DOCK5: variants seen among roughly 807,000 people sequenced by gnomAD.
DOCK5 encodes the protein dedicator of cytokinesis 5, also known as dedicator of cytokinesis protein 5.
DOCK5 carries 142 observed loss-of-function variants against 251.8 expected under a neutral mutation model. The observed-to-expected ratio is 0.56, with a 90% CI of 0.49 to 0.65. The LOEUF (loss-of-function observed/expected upper bound fraction) is 0.65, where lower values mean the gene tolerates loss of function less well. Ranked by LOEUF, DOCK5 falls within the 30% of genes least tolerant of loss-of-function variation. DOCK5 has a pLI of 0.00. For missense variants in DOCK5, 2,111 were observed against 2,312.3 expected, an observed-to-expected ratio of 0.91 and a Z score of 1.79; for synonymous variants, 842 against 835.5, an observed-to-expected ratio of 1.01 and a Z score of -0.13.
chr8:25,395,072 C>G (rs1478567168), intron 44 of DOCK5, among the ~76,000 whole-genome samples: 3 of 152,172 alleles, frequency 2.0e-5, no homozygotes, highest in African/African-American at 7.2e-5. Flanking sequence ...TCAGTAGGAG[C>G]CCTAGCTTGT....
chr8:25,248,182 A>G (rs1803166565), intron 2 of DOCK5, among the ~76,000 whole-genome samples: 3 of 152,156 alleles, frequency 2.0e-5, no homozygotes, highest in Non-Finnish European at 1.5e-5. Flanking sequence ...TTAATTTTTA[A>G]AATCGTGCCT....
intron 21 of DOCK5, among the ~76,000 whole-genome samples, chr8:25,335,417 G>A (rs17053413): frequency 0.051 from 7,692 of 151,936 alleles, 307 homozygotes; most frequent in African/African-American, 0.11. Flanking sequence ...TAATTCGGCC[G>A]AGTGCTTGAA....
chr8:25,350,179 G>T (rs555484123), intron 26 of DOCK5, among the ~76,000 whole-genome samples: 1 of 152,272 alleles, frequency 6.6e-6, no homozygotes, highest in Admixed American at 6.5e-5. Flanking sequence ...TCTTCATGTT[G>T]TACACGCTGG....
intron 2 of DOCK5, among the ~76,000 whole-genome samples, chr8:25,248,541 C>G (rs375623716): frequency 6.6e-6 from 1 of 152,092 alleles, no homozygotes; most frequent in Non-Finnish European, 1.5e-5. Context: ...ACCCTGCCCT[C>G]GAGATGTCTG....
chr8:25,192,595 T>C (rs904661914), intron 1 of DOCK5, among the ~76,000 whole-genome samples: 4 of 152,182 alleles, frequency 2.6e-5, no homozygotes, highest in African/African-American at 9.7e-5. Flanking sequence ...TGCCTGGACT[T>C]CCTGAGCTCA....
rs1210122554 is a variant in DOCK5 at position 25,336,259 on chromosome 8, ACTT to A, written c.2216_2218del (p.Phe739del). 6.2e-7 allele frequency: 1 copy of A among 1,613,578 alleles called. No individual in the cohort carries two copies. The highest frequency in any genetic ancestry group is 2.2e-5 in the East Asian group (1 of 44,852). ...CTAAGGAAACTCTCCAAGGTACTGAACTTCTATGTGGCTAATGCAGATGACTCC... is the reference window on the plus strand; with the variant it reads ...CTAAGGAAACTCTCCAAGGTACTGAACTATGTGGCTAATGCAGATGACTCC... On this transcript the variant is annotated inframe_deletion, in exon 22 of 52. Coordinates refer to ENST00000276440, the MANE Select transcript of DOCK5 (RefSeq NM_024940.8).
intron 1 of DOCK5, among the ~76,000 whole-genome samples, chr8:25,223,541 C>T (rs557541798): frequency 6.6e-6 from 1 of 152,324 alleles, no homozygotes; most frequent in Non-Finnish European, 1.5e-5. Context: ...TCTCCAACTC[C>T]TGTCCTCAAG....
At chr8:25,336,410 G>C (rs1805807507) in intron 22 of DOCK5, 37 bp downstream of exon 22, 1 of 1,603,782 alleles carries the variant, frequency 6.2e-7, no homozygotes, top group Non-Finnish European at 8.5e-7. Context: ...TAGATTATCA[G>C]CTGTCACTCT....
intron 1 of DOCK5, among the ~76,000 whole-genome samples, chr8:25,185,808 T>C (rs1353098772): frequency 6.6e-6 from 1 of 152,124 alleles, no homozygotes; most frequent in East Asian, 1.9e-4. Flanking sequence ...TGTGCGGGGA[T>C]TTTGACCCAG....
chr8:25,265,990 C>T (rs1488522541), intron 2 of DOCK5, among the ~76,000 whole-genome samples: 2 of 151,942 alleles, frequency 1.3e-5, no homozygotes, highest in African/African-American at 4.9e-5. Context: ...GAGCAACCCT[C>T]AGCATAGAAT....
In DOCK5 at chr8:25,412,094, T is replaced by TTTTTTTTTTTC; in HGVS notation, c.*803_*804insTTTCTTTTTTT. 6.8e-6 allele frequency: 1 copy of TTTTTTTTTTTC among 147,806 alleles called. No individual in the cohort carries two copies. 9.2% of individuals were successfully genotyped at this position (147,806 alleles called of 1,614,324 possible). ...CACATACGGCTTTTTTTTTTTTTTT[T>TTTTTTTTTTTC]TTTTTTTGTCCTATTACCTCCTCTG... is the stretch of plus-strand genomic sequence containing the variant. On this transcript the variant is annotated 3_prime_UTR_variant, in exon 52 of 52. Transcript: ENST00000276440.
rs1801672419 is a variant in DOCK5, at chr8:25,414,024, T to C, written c.*2726T>C. On this transcript the variant is annotated 3_prime_UTR_variant, in exon 52 of 52. Transcript: ENST00000276440. ...GGTCTTTATTTTTCTTGCTAAGAAC[T>C]CTCTGGAGTATTGAAAGACATTGAA... 1 of 152,168 alleles carries C rather than the reference T, an allele frequency of 6.6e-6. No individual in the cohort carries two copies. Among genetic ancestry groups the C allele is most frequent in the Non-Finnish European group, 1.5e-5 (1 of 68,042 alleles). The allele number at this position is 152,168 out of a possible 1,614,324, so 9.4% of individuals were successfully genotyped here. A position where few individuals can be genotyped will look rare whatever the true frequency, so the allele number is the denominator to read the frequency against.
At chr8:25,367,786 T>G (rs541900030) in intron 31 of DOCK5, among the ~76,000 whole-genome samples, 15 of 152,298 alleles carry the variant, frequency 9.8e-5, no homozygotes, top group African/African-American at 3.6e-4. Context: ...TGGATGTATA[T>G]TACCCCAATA....
At position 25,413,331 on chromosome 8, in the gene DOCK5, A is replaced by G. The variant is rs1801662226; in HGVS notation, c.*2033A>G. 6.6e-6 allele frequency: 1 copy of G among 152,170 alleles called. No individual in the cohort carries two copies. Among genetic ancestry groups the G allele is most frequent in the African/African-American group, 2.4e-5 (1 of 41,442 alleles). The allele number at this position is 152,170 out of a possible 1,614,324, so 9.4% of individuals were successfully genotyped here. Reference sequence around the variant, plus strand: ...GTGAGTGCAAGTTAGTTCTGCACATACAGCCCTTCTCCAAATGGTGGTTTC... The same window carrying G: ...GTGAGTGCAAGTTAGTTCTGCACATGCAGCCCTTCTCCAAATGGTGGTTTC... On this transcript the variant is annotated 3_prime_UTR_variant, in exon 52 of 52. Coordinates refer to ENST00000276440, the MANE Select transcript of DOCK5 (RefSeq NM_024940.8).
chr8:25,201,553 G>A (rs1451146540), intron 1 of DOCK5, among the ~76,000 whole-genome samples: 2 of 152,220 alleles, frequency 1.3e-5, no homozygotes, highest in African/African-American at 4.8e-5. Context: ...CCTGCAGGCT[G>A]TGGAGCCGGG....
chr8:25,304,120 G>T lies in DOCK5; in HGVS notation c.977-135G>T, dbSNP rs546207731. ...TACACTGGGAATCACCATTGGCAAA[G>T]AAATTTTAAAAAAGTCCCTGCTTAG... On this transcript the variant is annotated intron_variant, in intron 10 of 51. Transcript: ENST00000276440. 5 of 716,870 alleles carry T rather than the reference G, an allele frequency of 7.0e-6. No individual in the cohort carries two copies. In the East Asian group the frequency reaches 9.5e-5, roughly 14 times the overall value. 44.4% of individuals were successfully genotyped at this position (716,870 alleles called of 1,614,324 possible). A position where few individuals can be genotyped will look rare whatever the true frequency, so the allele number is the denominator to read the frequency against.
chr8:25,373,764 G>A (rs896254205), intron 36 of DOCK5, 106 bp downstream of exon 36: 2 of 1,111,508 alleles, frequency 1.8e-6, no homozygotes, highest in Non-Finnish European at 2.6e-6. Context: ...TGCTTTGAGA[G>A]ACCCCTAAAA....
chr8:25,351,429 A>G (rs1800466236), intron 26 of DOCK5: 1 of 315,514 alleles, frequency 3.2e-6, no homozygotes, highest in Non-Finnish European at 6.0e-6. Context: ...CCCCAAAACT[A>G]TTTGTTGAGT....
At chr8:25,361,614 GAAAT>G (rs1230940779) in intron 28 of DOCK5, among the ~76,000 whole-genome samples, 2 of 151,968 alleles carry the variant, frequency 1.3e-5, no homozygotes, top group Non-Finnish European at 2.9e-5. Context: ...ACTCCATCTC[GAAAT>G]AAATAAATAA....
Sources: allele counts gnomAD v4.1 joint callset (sites outside exome capture counted in the v4.1 genomes callset), GRCh38; gene constraint gnomAD v4.1.1; transcripts MANE v1.5; gene names NCBI Gene and HGNC (gene_info 2026-07-23, HGNC 2026-07-21).